Variants in TMEM164 observed in about 807,000 individuals in gnomAD.
TMEM164 encodes the protein RP13-360B22.2.
In TMEM164, 4 loss-of-function variants were observed where a neutral mutation model predicts 18.8. The ratio of observed to expected loss-of-function variants is 0.21; its 90% CI spans 0.10 to 0.49. TMEM164 has a LOEUF of 0.49. TMEM164 is among the 20% of genes least tolerant of loss of function. The pLI is 0.98. For missense variants in TMEM164, 108 were observed against 239.9 expected (o/e 0.45, Z 3.63); for synonymous variants, 86 against 101.7 (o/e 0.85, Z 0.93).
intron 3 of TMEM164, among the ~76,000 whole-genome samples, chrX:110,100,630 G>T (rs1381038325): frequency 9.0e-6 from 1 of 111,662 alleles, no homozygotes; most frequent in Non-Finnish European, 1.9e-5. Flanking sequence ...GGAGTGCAGT[G>T]GCACAATCTC....
At chrX:110,157,952 T>C (rs914959067) in intron 5 of TMEM164, among the ~76,000 whole-genome samples, 8 of 111,608 alleles carry the variant, frequency 7.2e-5, no homozygotes, top group African/African-American at 2.6e-4. Flanking sequence ...AATGGCGAGA[T>C]CTTGGCTCAC....
At chrX:110,018,591 A>G (rs1284323469) in intron 2 of TMEM164, among the ~76,000 whole-genome samples, 1 of 112,242 alleles carries the variant, frequency 8.9e-6, no homozygotes, top group Non-Finnish European at 1.9e-5. Flanking sequence ...AGGTCTTCCA[A>G]GTTCATTATT....
chrX:110,142,524 C>T (rs1219028557), intron 4 of TMEM164, among the ~76,000 whole-genome samples: 1 of 112,643 alleles, frequency 8.9e-6, no homozygotes, highest in Non-Finnish European at 1.9e-5. Flanking sequence ...TTCTGTGCCT[C>T]AGTGTCCCAT....
intron 2 of TMEM164, chrX:110,065,447 T>C (rs1462307979): frequency 3.6e-5 from 4 of 111,510 alleles, no homozygotes; most frequent in Non-Finnish European, 7.5e-5. Context: ...CTGTGTACTG[T>C]AGCTTCTGAG....
chrX:110,014,744 C>CTTTTTTTTT (rs142705177), intron 2 of TMEM164, among the ~76,000 whole-genome samples: 2 of 54,239 alleles, frequency 3.7e-5, no homozygotes, highest in East Asian at 6.8e-4. Flanking sequence ...TTGGTTGTTT[C>CTTTTTTTTT]TTTTTTTTTT....
intron 5 of TMEM164, among the ~76,000 whole-genome samples, chrX:110,160,266 A>G (rs914592199): frequency 8.9e-6 from 1 of 111,946 alleles, no homozygotes; most frequent in Non-Finnish European, 1.9e-5. Context: ...AATGTAGCAC[A>G]TGAACGCAGA....
chrX:110,068,725 T>C (rs1470840423), intron 3 of TMEM164, among the ~76,000 whole-genome samples: 2 of 111,397 alleles, frequency 1.8e-5, no homozygotes, highest in African/African-American at 6.5e-5. Flanking sequence ...GTCCTTTCTT[T>C]TCCCTTTTTT....
rs1328131733 is a variant in TMEM164, at chrX:110,174,086, A to C, written c.*635A>C. The C allele has an allele frequency of 1.8e-5, 2 of 112,160 alleles. No homozygotes were observed. Among genetic ancestry groups the C allele is most frequent in the Non-Finnish European group, 3.7e-5 (2 of 53,767 alleles). The allele number at this position is 112,160 out of a possible 1,213,427, so 9.2% of individuals were successfully genotyped here. On this transcript the variant is annotated 3_prime_UTR_variant, in exon 7 of 7. Transcript: ENST00000372068. ...GCTGCCTGGGGTGGGAGGTGAGAGC[A>C]CCACCCAGCCCAAGGGCTAGATTCC...
chrX:110,065,713 CAG>C (rs1304032012), intron 2 of TMEM164, among the ~76,000 whole-genome samples: 1 of 111,545 alleles, frequency 9.0e-6, no homozygotes, highest in Non-Finnish European at 1.9e-5. Flanking sequence ...TTTTGGATTT[CAG>C]AGAGGCCGTA....
chrX:110,073,250 G>T (rs1321681833), intron 3 of TMEM164, among the ~76,000 whole-genome samples: 1 of 111,164 alleles, frequency 9.0e-6, no homozygotes, highest in Non-Finnish European at 1.9e-5. Flanking sequence ...TGCCCAGGCT[G>T]GTCTCAAACT....
chrX:110,140,175 C>T (rs190577818), intron 4 of TMEM164, among the ~76,000 whole-genome samples: 2 of 111,293 alleles, frequency 1.8e-5, no homozygotes, highest in African/African-American at 3.3e-5. Flanking sequence ...GCCGTAAATC[C>T]GTAAATGACT....
chrX:110,138,778 G>A (rs1292350881), intron 4 of TMEM164, among the ~76,000 whole-genome samples: 1 of 111,857 alleles, frequency 8.9e-6, no homozygotes, highest in Non-Finnish European at 1.9e-5. Flanking sequence ...TGGAGTGAGT[G>A]GTATCTAGAA....
At chrX:110,089,365 T>A (rs769125643) in intron 3 of TMEM164, among the ~76,000 whole-genome samples, 5 of 110,758 alleles carry the variant, frequency 4.5e-5, no homozygotes, top group Non-Finnish European at 7.6e-5. Flanking sequence ...CCCGGCTAAT[T>A]TTTGTATTTT....
At chrX:110,143,506 A>G (rs947278497) in intron 4 of TMEM164, among the ~76,000 whole-genome samples, 2 of 111,437 alleles carry the variant, frequency 1.8e-5, no homozygotes, top group African/African-American at 6.5e-5. Context: ...GTAAAGTAAT[A>G]GTTGAGCAGC....
At chrX:110,060,127 T>C (rs1209558817) in intron 2 of TMEM164, among the ~76,000 whole-genome samples, 1 of 107,963 alleles carries the variant, frequency 9.3e-6, no homozygotes, top group African/African-American at 3.4e-5. Flanking sequence ...AATAGCTAGG[T>C]GTGGTGGCAC....
At chrX:110,022,299 G>C (rs921396249) in intron 2 of TMEM164, among the ~76,000 whole-genome samples, 2 of 110,526 alleles carry the variant, frequency 1.8e-5, no homozygotes, top group Admixed American at 1.9e-4. Context: ...TAAAGTGTTG[G>C]TCCCATAGCC....
At chrX:110,083,935 C>T (rs914884373) in intron 3 of TMEM164, among the ~76,000 whole-genome samples, 1 of 111,250 alleles carries the variant, frequency 9.0e-6, no homozygotes, top group African/African-American at 3.3e-5. Context: ...CATATGATAA[C>T]TTTATTTCCT....
chrX:110,088,582 G>T (rs1425445022), intron 3 of TMEM164, among the ~76,000 whole-genome samples: 2 of 111,992 alleles, frequency 1.8e-5, no homozygotes, highest in Non-Finnish European at 3.8e-5. Context: ...TATTCAGAAT[G>T]CTGCTCAGGT....
intron 2 of TMEM164, among the ~76,000 whole-genome samples, chrX:110,022,243 T>C (rs1213052906): frequency 9.1e-6 from 1 of 109,356 alleles, no homozygotes; most frequent in African/African-American, 3.5e-5. Flanking sequence ...CTCAATATAG[T>C]TATTTCCTCC....
Sources: gnomAD v4.1 joint callset for allele counts (sites outside exome capture counted in the v4.1 genomes callset) on GRCh38, gnomAD v4.1.1 for gene constraint, MANE v1.5 for transcripts, NCBI Gene and HGNC (gene_info 2026-07-23, HGNC 2026-07-21) for gene names.